The following CYTH3 variants were observed in gnomAD, a reference collection of about 807,000 sequenced individuals.
CYTH3 encodes the protein cytohesin-3.
Under a neutral mutation model 55.1 loss-of-function variants are expected in CYTH3, and 23 were observed. That is an observed-to-expected ratio of 0.42 (90% CI 0.30 to 0.59). CYTH3 has a LOEUF of 0.59. CYTH3 is among the 20% of genes least tolerant of loss of function. CYTH3 has a pLI of 0.20. For missense variants in CYTH3, 413 were observed against 524.8 expected (o/e 0.79, Z 2.08); for synonymous variants, 249 against 194.9 (o/e 1.28, Z -2.31).
intron 1 of CYTH3, among the ~76,000 whole-genome samples, chr7:6,210,504 C>A (rs1784298539): frequency 2.0e-5 from 3 of 152,204 alleles, no homozygotes; most frequent in South Asian, 2.1e-4. Context: ...TAGATTTATC[C>A]TTTTCATTGA....
chr7:6,212,085 T>C (rs1051575592), intron 1 of CYTH3, among the ~76,000 whole-genome samples: 3 of 152,214 alleles, frequency 2.0e-5, no homozygotes, highest in Non-Finnish European at 2.9e-5. Context: ...CCCTTTACCC[T>C]TCCCAGCCTC....
chr7:6,210,201 G>A (rs756781469), intron 1 of CYTH3, among the ~76,000 whole-genome samples: 3 of 151,856 alleles, frequency 2.0e-5, no homozygotes, highest in Non-Finnish European at 4.4e-5. Flanking sequence ...TGTGCTGGGA[G>A]GCGGTGAGCA....
At position 6,172,679 on chromosome 7, in the gene CYTH3, G is replaced by C. The variant is rs943871577; in HGVS notation, c.449+974C>G. ...CTCGCCAGAGACTGATGGACTGAAA[G>C]AAATGGAGTCACAGCTGCAAGGGCC... On this transcript the variant is annotated intron_variant, in intron 6 of 12. Coordinates refer to ENST00000350796, the MANE Select transcript of CYTH3 (RefSeq NM_004227.4). The C allele has an allele frequency of 7.6e-6, 8 of 1,046,364 alleles. No homozygotes were observed. In the African/African-American group the frequency reaches 1.2e-4, roughly 16 times the overall value. 64.8% of individuals were successfully genotyped at this position (1,046,364 alleles called of 1,614,324 possible). A position where few individuals can be genotyped will look rare whatever the true frequency, so the allele number is the denominator to read the frequency against.
In CYTH3 at chr7:6,230,224, A is replaced by C. The variant is rs147795945; in HGVS notation, c.35-39693T>G. Among the ~76,000 whole-genome samples the C allele has an allele frequency of 6.2e-3, 951 of 152,346 alleles. 9 individuals carry two copies. The highest frequency in any genetic ancestry group is 0.022 in the African/African-American group (903 of 41,574). The stretch of plus-strand genomic sequence containing the variant: ...CACCAAACAAACTCAGTCCGAATGG[A>C]AAGTGATGCATGTGGCCGTTATTAT... On this transcript the variant is annotated intron_variant, in intron 1 of 12. Transcript: ENST00000350796.
rs932424218 is a variant in CYTH3 at position 6,165,036 on chromosome 7, A to G, written c.1128-20T>C. The G allele has an allele frequency of 1.2e-6, 2 of 1,613,952 alleles. No homozygotes were observed. Among genetic ancestry groups the G allele is most frequent in the African/African-American group, 2.7e-5 (2 of 74,912 alleles). ...CTGGCTCTGGTGAAAAAAGGAAAAC[A>G]CACAGGTTAGGTCGTGGGTGACACA... is the stretch of plus-strand genomic sequence containing the variant. On this transcript the variant is annotated intron_variant, in intron 12 of 12. Transcript: ENST00000350796.
chr7:6,216,983 G>A (rs542350253), intron 1 of CYTH3, among the ~76,000 whole-genome samples: 218 of 150,622 alleles, frequency 1.4e-3, no homozygotes, highest in African/African-American at 4.7e-3. Context: ...CATTATCTCC[G>A]CTCACTGCAA....
At chr7:6,241,425 T>A (rs1779670068) in intron 1 of CYTH3, among the ~76,000 whole-genome samples, 1 of 152,222 alleles carries the variant, frequency 6.6e-6, no homozygotes, top group African/African-American at 2.4e-5. Context: ...GACTACCTGT[T>A]GACAAAACTG....
At chr7:6,178,941 T>C (rs1562880916) in intron 4 of CYTH3, among the ~76,000 whole-genome samples, 1 of 152,132 alleles carries the variant, frequency 6.6e-6, no homozygotes, top group East Asian at 1.9e-4. Context: ...TTGGCAAGGG[T>C]GGCAAGGGAA....
At chr7:6,165,129 C>A in intron 12 of CYTH3, 113 bp from the exon 13 acceptor site, 6 of 1,562,350 alleles carry the variant, frequency 3.8e-6, no homozygotes, top group Non-Finnish European at 5.2e-6. Flanking sequence ...ATCTGAACGT[C>A]GGCTTTGGCA....
At chr7:6,266,808 T>C (rs541159349) in intron 1 of CYTH3, among the ~76,000 whole-genome samples, 6 of 152,248 alleles carry the variant, frequency 3.9e-5, no homozygotes, top group Non-Finnish European at 8.8e-5. Flanking sequence ...ATTTTATATA[T>C]AGCTGTTTAC....
chr7:6,224,248 A>G (rs1486167215), intron 1 of CYTH3, among the ~76,000 whole-genome samples: 2 of 150,804 alleles, frequency 1.3e-5, no homozygotes, highest in Non-Finnish European at 3.0e-5. Context: ...GTCAGTAGGT[A>G]TACATGGAAT....
chr7:6,204,105 A>C (rs751165777), intron 1 of CYTH3, among the ~76,000 whole-genome samples: 7 of 152,156 alleles, frequency 4.6e-5, no homozygotes, highest in African/African-American at 7.2e-5. Flanking sequence ...GTATAAATAA[A>C]GATTCTAAGT....
chr7:6,223,836 T>TAAAAAAAA (rs58813864), intron 1 of CYTH3, among the ~76,000 whole-genome samples: 1 of 24,312 alleles, frequency 4.1e-5, no homozygotes, highest in African/African-American at 1.2e-4. Context: ...CAATAAATAC[T>TAAAAAAAA]AAAAAAAAAA....
At chr7:6,211,888 A>AG (rs139003498) in intron 1 of CYTH3, among the ~76,000 whole-genome samples, 1,977 of 152,212 alleles carry the variant, frequency 0.013, 39 homozygotes, top group African/African-American at 0.044. Context: ...CAGGAGGCTG[A>AG]GGCACAACAA....
rs1352626818 is a variant in CYTH3, at chr7:6,242,417, C to T, written c.34+30057G>A. Reference sequence around the variant, plus strand: ...TTTAAGACGGAGTCTCACTCTGTTGCCCAGGCTGGAGTGCAGTGGCACGAT... The same window carrying T: ...TTTAAGACGGAGTCTCACTCTGTTGTCCAGGCTGGAGTGCAGTGGCACGAT... On this transcript the variant is annotated intron_variant, in intron 1 of 12. Coordinates refer to ENST00000350796, the MANE Select transcript of CYTH3 (RefSeq NM_004227.4). Among the ~76,000 whole-genome samples the T allele has an allele frequency of 4.8e-5, 7 of 145,660 alleles. 1 individual carries two copies. The highest frequency in any genetic ancestry group is 4.2e-4 in the Admixed American group (6 of 14,194).
intron 1 of CYTH3, among the ~76,000 whole-genome samples, chr7:6,218,163 C>T (rs1485513091): frequency 6.6e-6 from 1 of 152,072 alleles, no homozygotes; most frequent in Non-Finnish European, 1.5e-5. Flanking sequence ...GGCAACAGAG[C>T]CAGACCCTAT....
At chr7:6,244,762 G>C (rs1018557098) in intron 1 of CYTH3, among the ~76,000 whole-genome samples, 1 of 152,034 alleles carries the variant, frequency 6.6e-6, no homozygotes, top group Non-Finnish European at 1.5e-5. Flanking sequence ...CATCCTGGAG[G>C]AAAGACTGGA....
At chr7:6,186,256 A>G (rs1462191953) in intron 4 of CYTH3, among the ~76,000 whole-genome samples, 2 of 151,366 alleles carry the variant, frequency 1.3e-5, no homozygotes, top group Non-Finnish European at 3.0e-5. Context: ...AAAAAAAAAA[A>G]AAAAAAAAAG....
intron 1 of CYTH3, 64 bp downstream of exon 1, chr7:6,272,410 G>GGGGGGGGGGGGGCCC: frequency 1.6e-6 from 2 of 1,216,616 alleles, no homozygotes; most frequent in Non-Finnish European, 2.1e-6. Context: ...CCGCGCCCTC[G>GGGGGGGGGGGGGCCC]ACCCCCAGCC....
Sources: allele counts gnomAD v4.1 joint callset (sites outside exome capture counted in the v4.1 genomes callset), GRCh38; gene constraint gnomAD v4.1.1; transcripts MANE v1.5; gene names NCBI Gene and HGNC (gene_info 2026-07-23, HGNC 2026-07-21).